The following MEIOB variants were observed in gnomAD, a reference collection of about 807,000 sequenced individuals.
MEIOB encodes the protein meiosis specific with OB-fold.
In MEIOB, 50 loss-of-function variants were observed where a neutral mutation model predicts 53.1. The ratio of observed to expected loss-of-function variants is 0.94; its 90% CI spans 0.75 to 1.19. MEIOB has a LOEUF of 1.19. MEIOB is among the 50% of genes most tolerant of loss of function. The pLI is 0.00. For missense variants in MEIOB, 551 were observed against 550.8 expected, an observed-to-expected ratio of 1.00 and a Z score of 0.00; for synonymous variants, 192 against 182.5, an observed-to-expected ratio of 1.05 and a Z score of -0.42.
Position 1,857,743 on chromosome 16 carries a change from C to A in MEIOB, c.520G>T (p.Val174Leu). ...NGRIINVLAA[V>L]KSVGEPKYFT... ...TCGGGGTTTTAACTTACCGATTTCA[C>A]AGCTGCAAGCACGTTAATAATCCTC... Residue 174 changes from valine to leucine, a missense_variant, in exon 6 of 14, where the codon GTG becomes TTG. Coordinates refer to ENST00000325962, the MANE Select transcript of MEIOB (RefSeq NM_001163560.3). The A allele has an allele frequency of 6.4e-7, 1 of 1,551,002 alleles. No homozygotes were observed. Among genetic ancestry groups the A allele is most frequent in the East Asian group, 2.4e-5 (1 of 40,884 alleles).
In MEIOB at chr16:1,843,113, T is replaced by C. The variant is rs993037758; in HGVS notation, c.881-1140A>G. Among the ~76,000 whole-genome samples, 9 of 150,204 alleles carry C rather than the reference T, an allele frequency of 6.0e-5. No homozygotes were observed. The South Asian group carries it at 8.4e-4, about 14-fold the overall frequency. On this transcript the variant is annotated intron_variant, in intron 10 of 13. Transcript: ENST00000325962. ...ATCGCGACCATCCTGGCTAACATGG[T>C]GAAACCCTGTCTCTACTAAAAATAC...
chr16:1,860,311 C>A, intron 5 of MEIOB, 92 bp downstream of exon 5: 1 of 638,450 alleles, frequency 1.6e-6, no homozygotes, highest in South Asian at 2.4e-5. Flanking sequence ...GAAATAGAAA[C>A]AGAACACTTT....
chr16:1,860,577 T>C, intron 4 of MEIOB, 102 bp from the exon 5 acceptor site: 1 of 689,126 alleles, frequency 1.5e-6, no homozygotes, highest in African/African-American at 1.8e-5. Flanking sequence ...TCATCGACTC[T>C]AGGCTTTAAA....
chr16:1,865,739 T>C lies in MEIOB; in HGVS notation c.127+39A>G, dbSNP rs971927592. On this transcript the variant is annotated intron_variant, in intron 3 of 13. Coordinates refer to ENST00000325962, the MANE Select transcript of MEIOB (RefSeq NM_001163560.3). Reference sequence around the variant, plus strand: ...ACTTTGTTGTAGTCATAAGCCAAAGTTGATGAAAAATGAAACCAAGAGTTA... The same window carrying C: ...ACTTTGTTGTAGTCATAAGCCAAAGCTGATGAAAAATGAAACCAAGAGTTA... 6.1e-6 allele frequency: 9 copies of C among 1,465,312 alleles called. No homozygotes were observed. The African/African-American group carries it at 7.1e-5, about 12-fold the overall frequency. The allele number at this position is 1,465,312 out of a possible 1,614,324, so 90.8% of individuals were successfully genotyped here.
intron 3 of MEIOB, among the ~76,000 whole-genome samples, chr16:1,864,600 T>A (rs573330652): frequency 2.0e-4 from 30 of 151,656 alleles, no homozygotes; most frequent in African/African-American, 6.8e-4. Context: ...GCGATTCTCC[T>A]GCCTCAGCCT....
intron 6 of MEIOB, among the ~76,000 whole-genome samples, chr16:1,857,210 C>T (rs973573514): frequency 6.6e-6 from 1 of 152,212 alleles, no homozygotes; most frequent in Non-Finnish European, 1.5e-5. Flanking sequence ...GGAACACCCC[C>T]CTGGTGCCCC....
intron 2 of MEIOB, among the ~76,000 whole-genome samples, chr16:1,866,422 T>C (rs906025868): frequency 3.2e-4 from 48 of 152,132 alleles, no homozygotes; most frequent in African/African-American, 1.2e-3. Flanking sequence ...TTAAATGTGT[T>C]TTAAGAAATA....
At chr16:1,850,151 CTT>C (rs1158469154) in intron 9 of MEIOB, among the ~76,000 whole-genome samples, 1 of 152,146 alleles carries the variant, frequency 6.6e-6, no homozygotes, top group Non-Finnish European at 1.5e-5. Context: ...TTAATGAGAT[CTT>C]GAGTTTTTTA....
chr16:1,865,957 A>C, intron 2 of MEIOB, 122 bp from the exon 3 acceptor site: 1 of 634,360 alleles, frequency 1.6e-6, no homozygotes, highest in Non-Finnish European at 2.7e-6. Context: ...GAACCATTTA[A>C]ATGTATTTAT....
intron 11 of MEIOB, chr16:1,841,072 A>G (rs1309349565): frequency 7.4e-6 from 1 of 134,692 alleles, no homozygotes; most frequent in East Asian, 2.2e-4. Flanking sequence ...GCTGGAGTGC[A>G]ATGGTGCAAT....
In MEIOB at chr16:1,849,272, G is replaced by T. The variant is rs867133959; in HGVS notation, c.778+3767C>A. ...CATGTCTACTAAAAATACAAAAAAG[G>T]CTGGGCGCGGTGGCTCACACTTGTA... On this transcript the variant is annotated intron_variant, in intron 9 of 13. Transcript: ENST00000325962. Among the ~76,000 whole-genome samples, 10 of 152,062 alleles carry T rather than the reference G, an allele frequency of 6.6e-5. No individual in the cohort carries two copies. In the South Asian group the frequency reaches 1.9e-3, roughly 28 times the overall value.
rs1343876221 is a variant in MEIOB, at chr16:1,854,171, T to C, written c.558A>G (p.Ser186=). 2 of 1,550,238 alleles carry C rather than the reference T, an allele frequency of 1.3e-6. No homozygotes were observed. The highest frequency in any genetic ancestry group is 1.7e-6 in the Non-Finnish European group (2 of 1,145,906). The change falls in exon 7 of 14, where the codon TCA becomes TCG. Residue 186 remains serine (S), a synonymous_variant. Transcript: ENST00000325962. Reference sequence around the variant, plus strand: ...CACACCTCTGGCCTTTTCTCCGGTCTGAAGTTGTAAAGTATTTTGGCTCTC... The same window carrying C: ...CACACCTCTGGCCTTTTCTCCGGTCCGAAGTTGTAAAGTATTTTGGCTCTC... The part of the protein sequence containing the change: ...SVGEPKYFTT[S]DRRKGQRCEV...
chr16:1,859,043 C>T (rs1187396139), intron 5 of MEIOB, among the ~76,000 whole-genome samples: 1 of 152,166 alleles, frequency 6.6e-6, no homozygotes, highest in East Asian at 1.9e-4. Flanking sequence ...GACCCAAGAA[C>T]AATGAATCAA....
intron 9 of MEIOB, among the ~76,000 whole-genome samples, chr16:1,852,280 TTGA>T: frequency 1.1e-5 from 1 of 94,700 alleles, no homozygotes; most frequent in African/African-American, 3.9e-5. Context: ...TTTTTTTTTT[TTGA>T]GACGGAGTCT....
chr16:1,837,398 G>A (rs1203007435), intron 13 of MEIOB, among the ~76,000 whole-genome samples: 1 of 152,128 alleles, frequency 6.6e-6, no homozygotes, highest in African/African-American at 2.4e-5. Flanking sequence ...CAAGAGAGGG[G>A]TCTCACTATG....
chr16:1,867,427 G>C (rs1002707641), intron 2 of MEIOB, among the ~76,000 whole-genome samples: 1 of 149,742 alleles, frequency 6.7e-6, no homozygotes, highest in Non-Finnish European at 1.5e-5. Flanking sequence ...GGATAATTTG[G>C]TCAGAAAATT....
rs1381762859 is a variant in MEIOB at position 1,834,246 on chromosome 16, A to G, written c.*10T>C. On this transcript the variant is annotated 3_prime_UTR_variant, in exon 14 of 14. Transcript: ENST00000325962. ...TTATACTTTTCCAGAGTTCAAAATG[A>G]TAGACCGTTTTAAACATGTTTTTGT... 8 of 1,488,528 alleles carry G rather than the reference A, an allele frequency of 5.4e-6. No individual in the cohort carries two copies. Among genetic ancestry groups the G allele is most frequent in the Non-Finnish European group, 7.5e-6 (8 of 1,070,882 alleles). 92.2% of individuals were successfully genotyped at this position (1,488,528 alleles called of 1,614,324 possible).
chr16:1,860,478 A>G lies in MEIOB; in HGVS notation c.260-3T>C, dbSNP rs990277313. The G allele has an allele frequency of 7.3e-6, 11 of 1,516,082 alleles. No homozygotes were observed. The Admixed American group carries it at 2.0e-4, about 27-fold the overall frequency. The allele number at this position is 1,516,082 out of a possible 1,614,324, so 93.9% of individuals were successfully genotyped here. On this transcript the variant is annotated splice_polypyrimidine_tract_variant and splice_region_variant and intron_variant, in intron 4 of 13. Transcript: ENST00000325962. ...GATCAGAGGATTTTCAATTATCACTAAAACAGAGGGCAAAGTATGATGATA... is the reference window on the plus strand; with the variant it reads ...GATCAGAGGATTTTCAATTATCACTGAAACAGAGGGCAAAGTATGATGATA...
At chr16:1,854,586 A>G (rs7199384) in intron 6 of MEIOB, among the ~76,000 whole-genome samples, 132,355 of 152,198 alleles carry the variant, frequency 0.87, 57,969 homozygotes, top group African/African-American at 0.97. Flanking sequence ...TGACTGAATG[A>G]ACTCAGGCTC....
Sources: gnomAD v4.1 joint callset for allele counts (sites outside exome capture counted in the v4.1 genomes callset) on GRCh38, gnomAD v4.1.1 for gene constraint, MANE v1.5 for transcripts, NCBI Gene and HGNC (gene_info 2026-07-23, HGNC 2026-07-21) for gene names.